The following S1PR2 variants were observed in gnomAD, a reference collection of about 807,000 sequenced individuals.
S1PR2 encodes the protein sphingosine-1-phosphate receptor 2, also known as sphingosine 1-phosphate receptor 2.
Under a neutral mutation model 16.1 loss-of-function variants are expected in S1PR2, and 9 were observed. The observed-to-expected ratio is 0.56, with a 90% CI of 0.34 to 0.98. The LOEUF is 0.98. Ranked by LOEUF, S1PR2 falls within the 50% of genes least tolerant of loss-of-function variation. The pLI, the probability that S1PR2 is intolerant of heterozygous loss-of-function variation, is 0.02. For missense variants in S1PR2, 361 were observed against 488.4 expected, an observed-to-expected ratio of 0.74 and a Z score of 2.46; for synonymous variants, 224 against 233.9, an observed-to-expected ratio of 0.96 and a Z score of 0.38.
rs753765649 is a variant in S1PR2 at position 10,224,121 on chromosome 19, T to A, written c.785A>T (p.His262Leu). 2 of 1,603,500 alleles carry A rather than the reference T, an allele frequency of 1.2e-6. No individual in the cohort carries two copies. Residue 262 changes from histidine (H) to leucine (L), a missense_variant, in exon 2 of 2, where the codon CAC (histidine) becomes CTC (leucine). Transcript: ENST00000646641. ...ILLLDYACPVHSCPILYKAHY... is the reference protein window; with the variant it reads ...ILLLDYACPVLSCPILYKAHY... ...GGCTTTGTAGAGGATCGGGCAGGAG[T>A]GGACGGGACAGGCATAGTCCAGAAG...
Position 10,223,794 on chromosome 19 carries a change from C to T in S1PR2, c.*50G>A. The T allele has an allele frequency of 6.7e-7, 1 of 1,484,378 alleles. No individual in the cohort carries two copies. Among genetic ancestry groups the T allele is most frequent in the Non-Finnish European group, 9.0e-7 (1 of 1,107,792 alleles). 92.0% of individuals were successfully genotyped at this position (1,484,378 alleles called of 1,614,324 possible). On this transcript the variant is annotated 3_prime_UTR_variant, in exon 2 of 2. Coordinates refer to ENST00000646641, the MANE Select transcript of S1PR2 (RefSeq NM_004230.4). Reference sequence around the variant, plus strand: ...TCTCTATCTGGGGTCACCCAGTGGCCTCTCCATGAACCCCTCTGCCCTGGC... The same window carrying T: ...TCTCTATCTGGGGTCACCCAGTGGCTTCTCCATGAACCCCTCTGCCCTGGC...
intron 1 of S1PR2, chr19:10,230,510 G>C (rs2080872689): frequency 6.5e-6 from 1 of 154,526 alleles, no homozygotes; most frequent in Admixed American, 6.5e-5. Flanking sequence ...GACAGAGGAG[G>C]GGGTGGAAAT....
In S1PR2 at chr19:10,223,821, T is replaced by G; in HGVS notation, c.*23A>C. The G allele has an allele frequency of 6.6e-7, 1 of 1,519,116 alleles. No individual in the cohort carries two copies. The highest frequency in any genetic ancestry group is 1.3e-5 in the South Asian group (1 of 76,182). 94.1% of individuals were successfully genotyped at this position (1,519,116 alleles called of 1,614,324 possible). On this transcript the variant is annotated 3_prime_UTR_variant, in exon 2 of 2. Coordinates refer to ENST00000646641, the MANE Select transcript of S1PR2 (RefSeq NM_004230.4). ...CTCCATGAACCCCTCTGCCCTGGCC[T>G]GGTTGTTGGTCCACCCCCACCCTCA...
intron 1 of S1PR2, among the ~76,000 whole-genome samples, chr19:10,229,563 T>C (rs184436365): frequency 6.6e-6 from 1 of 152,266 alleles, no homozygotes; most frequent in African/African-American, 2.4e-5. Context: ...GTGCTGGGAT[T>C]ACAGGCGTGA....
At chr19:10,228,184 C>T (rs536618604) in intron 1 of S1PR2, among the ~76,000 whole-genome samples, 4 of 150,600 alleles carry the variant, frequency 2.7e-5, no homozygotes, top group East Asian at 1.9e-4. Flanking sequence ...TGGTGGTGTG[C>T]GCCTGTGATC....
At position 10,224,677 on chromosome 19, in the gene S1PR2, C is replaced by G; in HGVS notation, c.229G>C (p.Ala77Pro). ...AMYLFLGNLA[A>P]SDLLAGVAFV... ...GCCACGCCTGCCAGTAGATCGGAGG[C>G]GGCCAGGTTGCCCAGAAACAGGTAC... Residue 77 changes from alanine to proline, a missense_variant, in exon 2 of 2, where the codon GCC becomes CCC. By Grantham distance (27) the Ala-to-Pro change is conservative (BLOSUM62 -1). Transcript: ENST00000646641. 1.9e-6 allele frequency: 3 copies of G among 1,614,136 alleles called. No homozygotes were observed. Among genetic ancestry groups the G allele is most frequent in the Non-Finnish European group, 2.5e-6 (3 of 1,180,038 alleles).
In S1PR2 at chr19:10,221,500, C is replaced by T. The variant is rs1390642623; in HGVS notation, c.*2344G>A. On this transcript the variant is annotated 3_prime_UTR_variant, in exon 2 of 2. Transcript: ENST00000646641. The stretch of plus-strand genomic sequence containing the variant: ...GCATTGCGGAGGCACGTCTGGGGAG[C>T]TCTATGAGGGGAAACAAGCCCCTGA... 6.6e-6 allele frequency: 1 copy of T among 152,358 alleles called. No individual in the cohort carries two copies. The highest frequency in any genetic ancestry group is 6.5e-5 in the Admixed American group (1 of 15,272). The allele number at this position is 152,358 out of a possible 1,614,324, so 9.4% of individuals were successfully genotyped here. A position where few individuals can be genotyped will look rare whatever the true frequency, so the allele number is the denominator to read the frequency against.
chr19:10,230,840 G>T (rs1380622952), intron 1 of S1PR2, among the ~76,000 whole-genome samples: 1 of 152,208 alleles, frequency 6.6e-6, no homozygotes, highest in Non-Finnish European at 1.5e-5. Context: ...CCCTCGCTCA[G>T]CCGGAGTCAG....
chr19:10,224,336 A>G lies in S1PR2; in HGVS notation c.570T>C (p.Tyr190=), dbSNP rs142570783. ...STVLPLYAKH[Y]VLCVVTIFSI... ...AGAAGATGGTCACCACGCACAGCACATAATGCTTGGCGTAGAGAGGCAGGA... is the reference window on the plus strand; with the variant it reads ...AGAAGATGGTCACCACGCACAGCACGTAATGCTTGGCGTAGAGAGGCAGGA... The change falls in exon 2 of 2, where the codon TAT becomes TAC. Residue 190 remains tyrosine (Y), a synonymous_variant. Coordinates refer to ENST00000646641, the MANE Select transcript of S1PR2 (RefSeq NM_004230.4). The G allele has an allele frequency of 2.3e-4, 369 of 1,614,018 alleles. No individual in the cohort carries two copies. The highest frequency in any genetic ancestry group is 3.0e-4 in the Non-Finnish European group (358 of 1,180,058).
In S1PR2 at chr19:10,224,864, G is replaced by T; in HGVS notation, c.42C>A (p.Val14=). 6.2e-6 allele frequency: 10 copies of T among 1,613,540 alleles called. No homozygotes were observed. Among genetic ancestry groups the T allele is most frequent in the African/African-American group, 1.3e-5 (1 of 75,038 alleles). ...CCTTGGTATAATTATAGTGTTCCTG[G>T]ACCTTGTTGGGGTTCAGGTACTCCG... ...LYSEYLNPNK[V]QEHYNYTKET... The change falls in exon 2 of 2, where the codon GTC becomes GTA. Residue 14 remains valine (V), a synonymous_variant. Transcript: ENST00000646641.
rs1184912583 is a variant in S1PR2 at position 10,224,868 on chromosome 19, T to A, written c.38A>T (p.Lys13Met). Residue 13 changes from lysine to methionine, a missense_variant, in exon 2 of 2, where the codon AAG becomes ATG. By Grantham distance (95) the Lys-to-Met change is moderately conservative (BLOSUM62 -1). Coordinates refer to ENST00000646641, the MANE Select transcript of S1PR2 (RefSeq NM_004230.4). ...GGTATAATTATAGTGTTCCTGGACCTTGTTGGGGTTCAGGTACTCCGAGTA... is the reference window on the plus strand; with the variant it reads ...GGTATAATTATAGTGTTCCTGGACCATGTTGGGGTTCAGGTACTCCGAGTA... ...SLYSEYLNPN[K>M]VQEHYNYTKE... The A allele has an allele frequency of 6.2e-7, 1 of 1,613,320 alleles. No homozygotes were observed. Among genetic ancestry groups the A allele is most frequent in the Non-Finnish European group, 8.5e-7 (1 of 1,179,948 alleles).
intron 1 of S1PR2, among the ~76,000 whole-genome samples, chr19:10,230,099 T>TCCGCGGGCAGCGCCC (rs2145446228): frequency 6.6e-6 from 1 of 152,340 alleles, no homozygotes; most frequent in African/African-American, 2.4e-5. Flanking sequence ...ACACCTCTGG[T>TCCGCGGGCAGCGCCC]CCGCGGGCAG....
chr19:10,230,118 T>C (rs796643207), intron 1 of S1PR2, among the ~76,000 whole-genome samples: 6 of 152,252 alleles, frequency 3.9e-5, no homozygotes, highest in African/African-American at 1.4e-4. Context: ...AGCGCCCCCA[T>C]CGCCCACCAT....
At chr19:10,229,981 G>GAATA (rs2039660017) in intron 1 of S1PR2, among the ~76,000 whole-genome samples, 2 of 151,556 alleles carry the variant, frequency 1.3e-5, no homozygotes, top group Admixed American at 1.3e-4. Context: ...ATGGGCAAAT[G>GAATA]AATGAATGAA....
Position 10,221,806 on chromosome 19 carries a change from A to G in S1PR2, c.*2038T>C, listed in dbSNP as rs888968220. Reference sequence around the variant, plus strand: ...CCTATGTGCACACGCGCGCGCGCACACACATACACACACACACACATAAAT... The same window carrying G: ...CCTATGTGCACACGCGCGCGCGCACGCACATACACACACACACACATAAAT... On this transcript the variant is annotated 3_prime_UTR_variant, in exon 2 of 2. Coordinates refer to ENST00000646641, the MANE Select transcript of S1PR2 (RefSeq NM_004230.4). The G allele has an allele frequency of 6.6e-6, 1 of 152,442 alleles. No homozygotes were observed. The allele number at this position is 152,442 out of a possible 1,614,324, so 9.4% of individuals were successfully genotyped here.
intron 1 of S1PR2, among the ~76,000 whole-genome samples, chr19:10,226,477 G>A (rs761333910): frequency 5.3e-5 from 8 of 152,180 alleles, no homozygotes; most frequent in Non-Finnish European, 7.3e-5. Flanking sequence ...TTTAAATGAC[G>A]CATGAGGCAC....
At chr19:10,229,828 C>T (rs2039658692) in intron 1 of S1PR2, among the ~76,000 whole-genome samples, 1 of 152,172 alleles carries the variant, frequency 6.6e-6, no homozygotes, top group African/African-American at 2.4e-5. Flanking sequence ...ACAGCGCTTG[C>T]CACTATGGGA....
chr19:10,226,275 C>T (rs116357424), intron 1 of S1PR2, among the ~76,000 whole-genome samples: 3,104 of 152,276 alleles, frequency 0.02, 104 homozygotes, highest in African/African-American at 0.07. Flanking sequence ...GACACCAGGG[C>T]GGCCCTGAGA....
intron 1 of S1PR2, among the ~76,000 whole-genome samples, chr19:10,230,129 C>CA (rs1482456677): frequency 6.6e-6 from 1 of 152,260 alleles, no homozygotes; most frequent in South Asian, 2.1e-4. Flanking sequence ...CGCCCACCAT[C>CA]AACCAGGCAA....
Sources: gnomAD v4.1 joint callset for allele counts (sites outside exome capture counted in the v4.1 genomes callset) on GRCh38, gnomAD v4.1.1 for gene constraint, MANE v1.5 for transcripts, NCBI Gene and HGNC (gene_info 2026-07-23, HGNC 2026-07-21) for gene names.